The following FLRT2 variants were observed in gnomAD, a reference collection of about 807,000 sequenced individuals.
FLRT2 encodes leucine-rich repeat transmembrane protein FLRT2.
FLRT2 carries 15 observed loss-of-function variants against 40.0 expected under a neutral mutation model. The ratio of observed to expected loss-of-function variants is 0.38; its 90% confidence interval spans 0.25 to 0.58. The LOEUF (loss-of-function observed/expected upper bound fraction) is 0.58, where lower values mean the gene tolerates loss of function less well. Ranked by LOEUF, FLRT2 falls within the 20% of genes least tolerant of loss-of-function variation. The pLI is 0.71. For synonymous variants in FLRT2, 380 were observed against 336.8 expected, an observed-to-expected ratio of 1.13 and a Z score of -1.41; for missense variants, 726 against 840.0, an observed-to-expected ratio of 0.86 and a Z score of 1.68.
At chr14:85,606,046 A>G (rs1305879127) in intron 1 of FLRT2, among the ~76,000 whole-genome samples, 1 of 152,148 alleles carries the variant, frequency 6.6e-6, no homozygotes, top group Non-Finnish European at 1.5e-5. Context: ...TTTCTGAACC[A>G]TTCAAGTAAG....
chr14:85,546,158 C>T (rs377487223), intron 1 of FLRT2, among the ~76,000 whole-genome samples: 1 of 152,110 alleles, frequency 6.6e-6, no homozygotes, highest in East Asian at 1.9e-4. Context: ...GCTTTTTGCA[C>T]TTTCTGTGGT....
intron 1 of FLRT2, among the ~76,000 whole-genome samples, chr14:85,602,420 T>C (rs1434865101): frequency 6.6e-6 from 1 of 152,186 alleles, no homozygotes; most frequent in African/African-American, 2.4e-5. Flanking sequence ...GAAGGCGAGA[T>C]GGCACTTCCG....
At chr14:85,612,948 G>A (rs945001421) in intron 1 of FLRT2, among the ~76,000 whole-genome samples, 2 of 152,056 alleles carry the variant, frequency 1.3e-5, no homozygotes, top group Non-Finnish European at 2.9e-5. Context: ...GTTTTGTTAT[G>A]TATATTACAT....
chr14:85,627,550 AATT>A lies in FLRT2; in HGVS notation c.*4059_*4061del, dbSNP rs1158832894. ...AAGGCCATTGCAACAGGCATTTAAA[AATT>A]ATTATCAAACATGCACATGCTTGTA... On this transcript the variant is annotated 3_prime_UTR_variant, in exon 2 of 2. Transcript: ENST00000330753. The A allele has an allele frequency of 6.0e-6, 1 of 166,498 alleles. No homozygotes were observed. Among genetic ancestry groups the A allele is most frequent in the Non-Finnish European group, 1.5e-5 (1 of 68,048 alleles). The allele number at this position is 166,498 out of a possible 1,614,324, so 10.3% of individuals were successfully genotyped here. A position where few individuals can be genotyped will look rare whatever the true frequency, so the allele number is the denominator to read the frequency against.
At chr14:85,595,627 T>C (rs1892104122) in intron 1 of FLRT2, among the ~76,000 whole-genome samples, 1 of 152,152 alleles carries the variant, frequency 6.6e-6, no homozygotes, top group South Asian at 2.1e-4. Context: ...TTGAAGTCTA[T>C]ATGAAAAGAG....
chr14:85,530,764 G>A (rs551207616), intron 1 of FLRT2, among the ~76,000 whole-genome samples: 1 of 152,172 alleles, frequency 6.6e-6, no homozygotes, highest in East Asian at 1.9e-4. Context: ...CTCCTCTACG[G>A]AGCATCATGA....
At chr14:85,575,803 GCT>G (rs1304979662) in intron 1 of FLRT2, among the ~76,000 whole-genome samples, 1 of 152,220 alleles carries the variant, frequency 6.6e-6, no homozygotes, top group Admixed American at 6.5e-5. Context: ...CTAGTCTACA[GCT>G]AAATGCCTTC....
intron 1 of FLRT2, among the ~76,000 whole-genome samples, chr14:85,534,027 C>T (rs1349949607): frequency 3.3e-5 from 5 of 152,128 alleles, no homozygotes; most frequent in Admixed American, 3.3e-4. Context: ...TCTTCCATGC[C>T]CCGCCGCTGC....
intron 1 of FLRT2, among the ~76,000 whole-genome samples, chr14:85,530,737 C>T (rs1888222963): frequency 6.6e-6 from 1 of 152,084 alleles, no homozygotes; most frequent in South Asian, 2.1e-4. Context: ...GGACATCTGT[C>T]TGCTGGTCGA....
chr14:85,552,962 T>C (rs752959717), intron 1 of FLRT2: 1 of 152,172 alleles, frequency 6.6e-6, no homozygotes, highest in African/African-American at 2.4e-5. Context: ...GTAATGGTAT[T>C]TTTTCATGTG....
intron 1 of FLRT2, among the ~76,000 whole-genome samples, chr14:85,537,262 T>G (rs1423038457): frequency 3.3e-5 from 5 of 152,222 alleles, no homozygotes; most frequent in Admixed American, 6.5e-5. Context: ...CAAAGTTTAC[T>G]GAATTTCTTA....
In FLRT2 at chr14:85,624,337, G is replaced by A. The variant is rs1225499329; in HGVS notation, c.*840G>A. On this transcript the variant is annotated 3_prime_UTR_variant, in exon 2 of 2. Coordinates refer to ENST00000330753, the MANE Select transcript of FLRT2 (RefSeq NM_013231.6). The stretch of plus-strand genomic sequence containing the variant: ...ATATCAGGTTGAATCACATTCAACA[G>A]AGATATATTCTAGAATACTTTTTTA... 6.0e-6 allele frequency: 1 copy of A among 167,064 alleles called. No homozygotes were observed. Among genetic ancestry groups the A allele is most frequent in the Non-Finnish European group, 1.5e-5 (1 of 68,122 alleles). The allele number at this position is 167,064 out of a possible 1,614,324, so 10.3% of individuals were successfully genotyped here. A position where few individuals can be genotyped will look rare whatever the true frequency, so the allele number is the denominator to read the frequency against.
At position 85,633,645 on chromosome 14, in the gene FLRT2, A is replaced by AAT. The variant is rs1893935927; in HGVS notation, c.*10149_*10150insTA. 1 of 151,588 alleles carries AAT rather than the reference A, an allele frequency of 6.6e-6. No individual in the cohort carries two copies. The highest frequency in any genetic ancestry group is 6.6e-5 in the Admixed American group (1 of 15,202). 9.4% of individuals were successfully genotyped at this position (151,588 alleles called of 1,614,324 possible). On this transcript the variant is annotated 3_prime_UTR_variant, in exon 2 of 2. Transcript: ENST00000330753. ...GAGACCCTATCTCTAAAAAAAAAAA[A>AAT]AAAAATTAGCCAGGAGTGGTGGCAT...
intron 1 of FLRT2, among the ~76,000 whole-genome samples, chr14:85,617,237 T>C (rs1893177760): frequency 6.6e-6 from 1 of 152,202 alleles, no homozygotes. Flanking sequence ...TATTTTGTTC[T>C]ACACAGTGGA....
At chr14:85,596,703 C>A (rs1367292832) in intron 1 of FLRT2, among the ~76,000 whole-genome samples, 1 of 152,022 alleles carries the variant, frequency 6.6e-6, no homozygotes, top group Non-Finnish European at 1.5e-5. Context: ...ATGATGGTAC[C>A]TGGGAGAATT....
chr14:85,596,030 C>T (rs753199642), intron 1 of FLRT2, among the ~76,000 whole-genome samples: 12 of 152,064 alleles, frequency 7.9e-5, no homozygotes, highest in Non-Finnish European at 1.2e-4. Context: ...GTTTTCATTC[C>T]GATTCAGATG....
Position 85,647,468 on chromosome 14 carries a change from A to G in FLRT2, c.*23971A>G, listed in dbSNP as rs1189319142. The G allele has an allele frequency of 1.3e-5, 2 of 152,162 alleles. No individual in the cohort carries two copies. Among genetic ancestry groups the G allele is most frequent in the Non-Finnish European group, 2.9e-5 (2 of 68,040 alleles). 9.4% of individuals were successfully genotyped at this position (152,162 alleles called of 1,614,324 possible). A position where few individuals can be genotyped will look rare whatever the true frequency, so the allele number is the denominator to read the frequency against. ...TCACAATATTTAGCTCTCCTTCCAC[A>G]TGATGTTGGGATATGATGGCTTAGA... On this transcript the variant is annotated 3_prime_UTR_variant, in exon 2 of 2. Transcript: ENST00000330753.
intron 1 of FLRT2, among the ~76,000 whole-genome samples, chr14:85,547,262 T>C (rs1310027668): frequency 1.3e-5 from 2 of 152,164 alleles, no homozygotes; most frequent in East Asian, 3.9e-4. Context: ...CATTTTTATC[T>C]GCATAGTAGC....
In FLRT2 at chr14:85,635,035, A is replaced by G. The variant is rs1893969693; in HGVS notation, c.*11538A>G. 6.6e-6 allele frequency: 1 copy of G among 152,186 alleles called. No homozygotes were observed. Among genetic ancestry groups the G allele is most frequent in the South Asian group, 2.1e-4 (1 of 4,828 alleles). 9.4% of individuals were successfully genotyped at this position (152,186 alleles called of 1,614,324 possible). On this transcript the variant is annotated 3_prime_UTR_variant, in exon 2 of 2. Coordinates refer to ENST00000330753, the MANE Select transcript of FLRT2 (RefSeq NM_013231.6). Reference sequence around the variant, plus strand: ...AGGAAGATGTGACTAGGATAGATAAAGCAAACATATAAACACTCAGTTTCA... The same window carrying G: ...AGGAAGATGTGACTAGGATAGATAAGGCAAACATATAAACACTCAGTTTCA...
Sources: allele counts gnomAD v4.1 joint callset (sites outside exome capture counted in the v4.1 genomes callset), GRCh38; gene constraint gnomAD v4.1.1; transcripts MANE v1.5; gene names NCBI Gene and HGNC (gene_info 2026-07-23, HGNC 2026-07-21).